EPHA5: variants seen among roughly 807,000 people sequenced by gnomAD.
The protein encoded by EPHA5 is ephrin type-A receptor 5.
In EPHA5, 60 loss-of-function variants were observed where a neutral mutation model predicts 105.0. That is an observed-to-expected ratio of 0.57 (90% CI 0.46 to 0.71). The LOEUF is 0.71. Ranked by LOEUF, EPHA5 falls within the 30% of genes least tolerant of loss-of-function variation. The pLI, the probability that EPHA5 is intolerant of heterozygous loss-of-function variation, is 0.00. For synonymous variants in EPHA5, 513 were observed against 449.1 expected (o/e 1.14, Z -1.80); for missense variants, 1,218 against 1,274.7 (o/e 0.96, Z 0.68).
At chr4:65,557,667 A>T (rs1275176507) in intron 3 of EPHA5, among the ~76,000 whole-genome samples, 1 of 152,058 alleles carries the variant, frequency 6.6e-6, no homozygotes, top group Non-Finnish European at 1.5e-5. Flanking sequence ...AAGAAGTGAG[A>T]TAAAGAGGGA....
intron 6 of EPHA5, among the ~76,000 whole-genome samples, chr4:65,416,633 C>T (rs889048680): frequency 2.0e-5 from 3 of 152,178 alleles, no homozygotes; most frequent in African/African-American, 7.2e-5. Context: ...TGGGCTGCTG[C>T]TCCTTGAAAT....
intron 3 of EPHA5, among the ~76,000 whole-genome samples, chr4:65,524,865 T>G (rs1735085553): frequency 6.6e-6 from 1 of 151,766 alleles, no homozygotes. Context: ...ATCTAGTAGT[T>G]GTTTCTACAA....
chr4:65,544,584 C>T (rs183661690), intron 3 of EPHA5, among the ~76,000 whole-genome samples: 274 of 152,028 alleles, frequency 1.8e-3, no homozygotes, highest in African/African-American at 5.8e-3. Context: ...GTAGCAGATG[C>T]TGGCATGGCT....
intron 5 of EPHA5, among the ~76,000 whole-genome samples, chr4:65,452,091 A>G (rs1727121833): frequency 6.6e-6 from 1 of 152,168 alleles, no homozygotes; most frequent in Non-Finnish European, 1.5e-5. Flanking sequence ...AAGATCAGCA[A>G]TAGAGAATAA....
At chr4:65,558,802 G>C (rs73225767) in intron 3 of EPHA5, among the ~76,000 whole-genome samples, 1 of 151,908 alleles carries the variant, frequency 6.6e-6, no homozygotes, top group Admixed American at 6.6e-5. Flanking sequence ...TTTAAATCCA[G>C]GTTTTCTGCT....
intron 3 of EPHA5, among the ~76,000 whole-genome samples, chr4:65,516,207 G>A (rs7671244): frequency 0.75 from 114,709 of 152,086 alleles, 43,405 homozygotes; most frequent in East Asian, 0.87. Context: ...ACAGTCTACT[G>A]TTCACTGGAA....
intron 2 of EPHA5, among the ~76,000 whole-genome samples, chr4:65,603,097 T>C (rs1743899007): frequency 6.6e-6 from 1 of 152,126 alleles, no homozygotes; most frequent in Non-Finnish European, 1.5e-5. Context: ...TACCAAGGCA[T>C]TATTTTATGC....
intron 2 of EPHA5, among the ~76,000 whole-genome samples, chr4:65,607,717 C>A (rs1182752736): frequency 6.6e-6 from 1 of 152,168 alleles, no homozygotes; most frequent in East Asian, 1.9e-4. Context: ...AATAGGAACA[C>A]TTTTACACTG....
At chr4:65,463,799 A>T (rs563986138) in intron 5 of EPHA5, among the ~76,000 whole-genome samples, 1 of 152,216 alleles carries the variant, frequency 6.6e-6, no homozygotes, top group Admixed American at 6.5e-5. Flanking sequence ...TTTGACATTT[A>T]ATATTTTGCC....
chr4:65,522,592 G>T (rs552263684), intron 3 of EPHA5, among the ~76,000 whole-genome samples: 10 of 151,844 alleles, frequency 6.6e-5, no homozygotes, highest in African/African-American at 2.2e-4. Flanking sequence ...GTGTCACCCA[G>T]CTCATACAAT....
Position 65,365,118 on chromosome 4 carries a change from C to A in EPHA5, c.2072G>T (p.Gly691Val), listed in dbSNP as rs2148888546. The A allele has an allele frequency of 6.2e-7, 1 of 1,611,790 alleles. No homozygotes were observed. The highest frequency in any genetic ancestry group is 8.5e-7 in the Non-Finnish European group (1 of 1,178,486). The change falls in exon 11 of 17, where the codon GGC becomes GTC. Residue 691 changes from glycine (G) to valine (V), a missense_variant. Around this residue, in one of 3 missense-constraint regions of EPHA5, gnomAD observed 971 missense variants for 1,013.5 expected, o/e 0.96. Transcript: ENST00000613740. ...ATCTCTGCGTTGCTTTTCAGTATAG[C>A]CTACTTTAAGGGTTTTGATAGCCAC... ...LPVAIKTLKV[G>V]YTEKQRRDFL...
intron 16 of EPHA5, among the ~76,000 whole-genome samples, chr4:65,328,976 TCAG>T (rs1220254152): frequency 1.3e-5 from 2 of 151,314 alleles, no homozygotes; most frequent in Non-Finnish European, 3.0e-5. Flanking sequence ...AGGAACCTCT[TCAG>T]CTGACACACA....
chr4:65,583,730 TA>T (rs1553945409), intron 3 of EPHA5, among the ~76,000 whole-genome samples: 1 of 151,716 alleles, frequency 6.6e-6, no homozygotes, highest in Non-Finnish European at 1.5e-5. Flanking sequence ...TCAGAATACG[TA>T]AAATTTGATT....
At chr4:65,579,373 T>TATAA (rs1003129193) in intron 3 of EPHA5, among the ~76,000 whole-genome samples, 1 of 146,998 alleles carries the variant, frequency 6.8e-6, no homozygotes, top group African/African-American at 2.5e-5. Context: ...TATATATATA[T>TATAA]ATAAATATAT....
intron 8 of EPHA5, among the ~76,000 whole-genome samples, chr4:65,398,443 T>C (rs1393964901): frequency 7.2e-5 from 11 of 152,112 alleles, no homozygotes; most frequent in Admixed American, 7.2e-4. Flanking sequence ...ATATTGATGG[T>C]GGCAGGAGGC....
chr4:65,546,182 A>G (rs1189440079), intron 3 of EPHA5, among the ~76,000 whole-genome samples: 5 of 152,006 alleles, frequency 3.3e-5, no homozygotes, highest in Non-Finnish European at 7.4e-5. Context: ...TTCTGAGTTC[A>G]TGGTAAGGCA....
chr4:65,634,909 C>T (rs183514781), intron 2 of EPHA5, among the ~76,000 whole-genome samples: 2 of 152,022 alleles, frequency 1.3e-5, no homozygotes, highest in East Asian at 3.9e-4. Context: ...ACGAGATCAG[C>T]AGAGTTCAAA....
At chr4:65,471,206 A>T (rs553977541) in intron 5 of EPHA5, among the ~76,000 whole-genome samples, 2 of 152,284 alleles carry the variant, frequency 1.3e-5, no homozygotes, top group East Asian at 3.9e-4. Flanking sequence ...TTTTCTTTTA[A>T]CAGTCCTAAC....
intron 5 of EPHA5, among the ~76,000 whole-genome samples, chr4:65,436,838 C>T: frequency 6.6e-6 from 1 of 151,952 alleles, no homozygotes; most frequent in South Asian, 2.1e-4. Flanking sequence ...TACATAATGC[C>T]AAAAGTCTTT....
Sources: allele counts gnomAD v4.1 joint callset (sites outside exome capture counted in the v4.1 genomes callset), GRCh38; gene constraint gnomAD v4.1.1; regional missense constraint gnomAD v4.1.1; transcripts MANE v1.5; gene names NCBI Gene and HGNC (gene_info 2026-07-23, HGNC 2026-07-21).